Variants in MARCHF3 observed in about 807,000 individuals in gnomAD.
MARCHF3 encodes E3 ubiquitin-protein ligase MARCHF3.
In MARCHF3, 13 loss-of-function variants were observed where a neutral mutation model predicts 24.2. That is an observed-to-expected ratio of 0.54 (90% CI 0.35 to 0.85). The LOEUF (loss-of-function observed/expected upper bound fraction) is 0.85, where lower values mean the gene tolerates loss of function less well. Among genes scored for constraint, MARCHF3 ranks in the 40% least tolerant of loss-of-function variants. MARCHF3 has a pLI of 0.01. For missense variants in MARCHF3, 276 were observed against 325.0 expected (o/e 0.85, Z 1.16); for synonymous variants, 144 against 137.3 (o/e 1.05, Z -0.34).
intron 1 of MARCHF3, among the ~76,000 whole-genome samples, chr5:127,026,111 A>AG (rs1420544906): frequency 4.6e-5 from 7 of 151,988 alleles, no homozygotes; most frequent in Non-Finnish European, 1.0e-4. Flanking sequence ...AAAAAAAAAA[A>AG]GTTATAATAG....
At chr5:126,960,084 C>G (rs1228430353) in intron 1 of MARCHF3, among the ~76,000 whole-genome samples, 1 of 152,168 alleles carries the variant, frequency 6.6e-6, no homozygotes, top group Non-Finnish European at 1.5e-5. Context: ...TTCCAACGGT[C>G]CATACAACGG....
At chr5:126,873,105 C>T (rs926601909) in intron 4 of MARCHF3, among the ~76,000 whole-genome samples, 2 of 152,150 alleles carry the variant, frequency 1.3e-5, no homozygotes, top group Admixed American at 6.5e-5. Flanking sequence ...GAGCTGTGCA[C>T]ACTGGCATTA....
chr5:126,991,825 C>T (rs1038483518), intron 1 of MARCHF3, among the ~76,000 whole-genome samples: 7 of 152,190 alleles, frequency 4.6e-5, no homozygotes, highest in African/African-American at 1.7e-4. Context: ...CAAATGTACG[C>T]CTCGACCTGA....
At chr5:126,957,531 G>A (rs1291974886) in intron 1 of MARCHF3, among the ~76,000 whole-genome samples, 3 of 152,034 alleles carry the variant, frequency 2.0e-5, no homozygotes, top group Non-Finnish European at 2.9e-5. Flanking sequence ...ATGTTAAAAA[G>A]TAACTTTCAT....
chr5:126,961,725 T>C (rs1750643840), intron 1 of MARCHF3, among the ~76,000 whole-genome samples: 1 of 152,170 alleles, frequency 6.6e-6, no homozygotes, highest in African/African-American at 2.4e-5. Context: ...GTAGTAATAG[T>C]ATGAAGTCAA....
At chr5:126,882,481 A>AC (rs1207799131) in intron 3 of MARCHF3, among the ~76,000 whole-genome samples, 1 of 152,196 alleles carries the variant, frequency 6.6e-6, no homozygotes, top group Admixed American at 6.5e-5. Context: ...TTCATAATAG[A>AC]CAAGGGGTTG....
intron 4 of MARCHF3, among the ~76,000 whole-genome samples, chr5:126,876,252 C>CCTT (rs1753152088): frequency 6.6e-6 from 1 of 152,170 alleles, no homozygotes; most frequent in Admixed American, 6.5e-5. Context: ...TTCAGAAAGG[C>CCTT]CTTACATTGG....
At chr5:126,976,177 T>C (rs1431851065) in intron 1 of MARCHF3, among the ~76,000 whole-genome samples, 4 of 152,234 alleles carry the variant, frequency 2.6e-5, no homozygotes, top group African/African-American at 9.6e-5. Context: ...AATCTTTTTT[T>C]CCCAGTTAAG....
intron 3 of MARCHF3, among the ~76,000 whole-genome samples, chr5:126,888,460 G>A (rs1014953070): frequency 6.6e-6 from 1 of 152,162 alleles, no homozygotes; most frequent in African/African-American, 2.4e-5. Context: ...GGCACAACAG[G>A]ATTAGATGGC....
At chr5:126,972,022 A>C (rs1220547880) in intron 1 of MARCHF3, among the ~76,000 whole-genome samples, 1 of 152,170 alleles carries the variant, frequency 6.6e-6, no homozygotes, top group Non-Finnish European at 1.5e-5. Flanking sequence ...ATCACCTAGA[A>C]ATATGAGAAA....
chr5:126,883,815 G>A (rs1487611336), intron 3 of MARCHF3, among the ~76,000 whole-genome samples: 1 of 152,166 alleles, frequency 6.6e-6, no homozygotes, highest in Non-Finnish European at 1.5e-5. Context: ...AGGTCAGTTT[G>A]TACTAAAACC....
chr5:126,934,915 G>C (rs1448748564), intron 1 of MARCHF3, among the ~76,000 whole-genome samples: 1 of 152,098 alleles, frequency 6.6e-6, no homozygotes, highest in South Asian at 2.1e-4. Context: ...TGGGAGCTGT[G>C]TTTCTGCCCC....
chr5:126,944,066 TC>T (rs1157488478), intron 1 of MARCHF3, among the ~76,000 whole-genome samples: 1 of 152,006 alleles, frequency 6.6e-6, no homozygotes, highest in Non-Finnish European at 1.5e-5. Context: ...CACCCTGGCC[TC>T]CCAAAGTGCT....
At chr5:126,908,422 A>G (rs1269902267) in intron 3 of MARCHF3, among the ~76,000 whole-genome samples, 3 of 152,172 alleles carry the variant, frequency 2.0e-5, no homozygotes, top group African/African-American at 4.8e-5. Flanking sequence ...ATGTTTTCCA[A>G]CTTGGTTCCA....
intron 1 of MARCHF3, among the ~76,000 whole-genome samples, chr5:126,987,662 C>T (rs530293416): frequency 3.4e-4 from 52 of 152,226 alleles, no homozygotes; most frequent in African/African-American, 1.2e-3. Flanking sequence ...TTGGAGAAAA[C>T]TTCAGGAAAG....
intron 1 of MARCHF3, among the ~76,000 whole-genome samples, chr5:126,946,853 T>C (rs1750042697): frequency 6.6e-6 from 1 of 151,356 alleles, no homozygotes; most frequent in Admixed American, 6.6e-5. Context: ...ACCGCTGTTT[T>C]TATTAACTCA....
intron 1 of MARCHF3, among the ~76,000 whole-genome samples, chr5:126,985,617 C>T (rs1447945417): frequency 4.0e-5 from 6 of 151,680 alleles, no homozygotes; most frequent in Non-Finnish European, 2.9e-5. Flanking sequence ...TACAGGCGCC[C>T]GCCACCACGC....
intron 1 of MARCHF3, among the ~76,000 whole-genome samples, chr5:126,953,580 T>C (rs1043411083): frequency 1.3e-5 from 2 of 152,254 alleles, no homozygotes; most frequent in Non-Finnish European, 2.9e-5. Context: ...GAAGTAATTC[T>C]TTTAATGTCA....
intron 3 of MARCHF3, chr5:126,914,591 A>G (rs2126792133): frequency 2.5e-6 from 1 of 404,166 alleles, no homozygotes; most frequent in Non-Finnish European, 4.5e-6. Context: ...GCGCAAGGAG[A>G]AAGATGTTTG....
Sources: allele counts gnomAD v4.1 joint callset (sites outside exome capture counted in the v4.1 genomes callset), GRCh38; gene constraint gnomAD v4.1.1; transcripts MANE v1.5; gene names NCBI Gene and HGNC (gene_info 2026-07-23, HGNC 2026-07-21).